UNC5D: variants seen among roughly 807,000 people sequenced by gnomAD.
UNC5D encodes netrin receptor UNC5D.
UNC5D carries 39 observed loss-of-function variants against 105.4 expected under a neutral mutation model. The ratio of observed to expected loss-of-function variants is 0.37; its 90% CI spans 0.29 to 0.48. UNC5D has a LOEUF of 0.48. UNC5D is among the 20% of genes least tolerant of loss of function. The pLI is 0.98. For synonymous variants in UNC5D, 452 were observed against 450.4 expected (o/e 1.00, Z -0.04); for missense variants, 991 against 1,202.4 (o/e 0.82, Z 2.60).
intron 11 of UNC5D, among the ~76,000 whole-genome samples, chr8:35,740,043 A>G (rs950053666): frequency 2.0e-5 from 3 of 152,202 alleles, no homozygotes; most frequent in African/African-American, 7.2e-5. Context: ...GAAACAATGA[A>G]GATAGCCCTA....
chr8:35,716,256 T>G (rs1480154131), intron 8 of UNC5D, among the ~76,000 whole-genome samples: 1 of 152,148 alleles, frequency 6.6e-6, no homozygotes, highest in Non-Finnish European at 1.5e-5. Context: ...AAATAAGATA[T>G]TAATATATAA....
intron 11 of UNC5D, among the ~76,000 whole-genome samples, chr8:35,736,176 A>G (rs1044825322): frequency 6.6e-6 from 1 of 152,082 alleles, no homozygotes; most frequent in East Asian, 1.9e-4. Context: ...CTGGGCAACA[A>G]TTGAGACCTT....
intron 14 of UNC5D, among the ~76,000 whole-genome samples, chr8:35,764,966 T>G (rs1801699395): frequency 6.6e-6 from 1 of 152,204 alleles, no homozygotes; most frequent in Admixed American, 6.5e-5. Context: ...ATTTATGTGA[T>G]TACAAAACCT....
At chr8:35,414,656 G>A (rs1473303241) in intron 1 of UNC5D, among the ~76,000 whole-genome samples, 3 of 152,140 alleles carry the variant, frequency 2.0e-5, no homozygotes, top group East Asian at 3.9e-4. Context: ...TAAGCTTCTT[G>A]AAAAATAATT....
intron 1 of UNC5D, among the ~76,000 whole-genome samples, chr8:35,419,524 C>T (rs1805749583): frequency 6.6e-6 from 1 of 152,162 alleles, no homozygotes; most frequent in African/African-American, 2.4e-5. Flanking sequence ...TCATGGAGCC[C>T]CAAAGGGTGT....
At chr8:35,761,702 G>A (rs932773139) in intron 14 of UNC5D, among the ~76,000 whole-genome samples, 1 of 152,040 alleles carries the variant, frequency 6.6e-6, no homozygotes, top group Non-Finnish European at 1.5e-5. Context: ...ATGGCTTTCC[G>A]CTCTATTCCT....
chr8:35,558,778 T>C (rs953535261), intron 2 of UNC5D, among the ~76,000 whole-genome samples: 1 of 151,728 alleles, frequency 6.6e-6, no homozygotes, highest in Non-Finnish European at 1.5e-5. Flanking sequence ...AGGCCTGGAG[T>C]TTCAGACCAG....
At chr8:35,597,406 C>T (rs1819556262) in intron 4 of UNC5D, among the ~76,000 whole-genome samples, 1 of 152,218 alleles carries the variant, frequency 6.6e-6, no homozygotes, top group African/African-American at 2.4e-5. Flanking sequence ...AGGCAAGGGA[C>T]TGTATCCCTC....
intron 14 of UNC5D, among the ~76,000 whole-genome samples, chr8:35,761,015 C>T (rs901140055): frequency 2.6e-5 from 4 of 152,240 alleles, no homozygotes; most frequent in Middle Eastern, 6.8e-3. Flanking sequence ...AGCACACAAC[C>T]ATCTCTCATT....
chr8:35,319,273 C>G (rs1015612769), intron 1 of UNC5D, among the ~76,000 whole-genome samples: 3 of 152,074 alleles, frequency 2.0e-5, no homozygotes, highest in African/African-American at 7.2e-5. Flanking sequence ...TTCTGCCCCC[C>G]ACAGGCTCCA....
chr8:35,787,806 A>T (rs1358698270), intron 16 of UNC5D, among the ~76,000 whole-genome samples: 1 of 151,894 alleles, frequency 6.6e-6, no homozygotes, highest in Non-Finnish European at 1.5e-5. Flanking sequence ...TTTTGTGGAG[A>T]CAGAAGTCTT....
chr8:35,541,908 T>A (rs1281229759), intron 1 of UNC5D, among the ~76,000 whole-genome samples: 1 of 152,186 alleles, frequency 6.6e-6, no homozygotes, highest in Non-Finnish European at 1.5e-5. Context: ...GAACGTGCTT[T>A]TGTAGAGTCT....
At chr8:35,342,387 A>G (rs1811515699) in intron 1 of UNC5D, among the ~76,000 whole-genome samples, 1 of 152,250 alleles carries the variant, frequency 6.6e-6, no homozygotes, top group African/African-American at 2.4e-5. Context: ...CTGATTTAAA[A>G]GATGTTGGGC....
chr8:35,339,368 C>T (rs1055872298), intron 1 of UNC5D, among the ~76,000 whole-genome samples: 1 of 152,150 alleles, frequency 6.6e-6, no homozygotes, highest in Non-Finnish European at 1.5e-5. Flanking sequence ...ACTTTGAGGT[C>T]GTGAACATGG....
chr8:35,373,185 T>C (rs755084257), intron 1 of UNC5D, among the ~76,000 whole-genome samples: 21 of 152,246 alleles, frequency 1.4e-4, no homozygotes, highest in Non-Finnish European at 2.2e-4. Flanking sequence ...CTATCTTGAT[T>C]CTTTCTGAAG....
chr8:35,304,154 A>T (rs1808167797), intron 1 of UNC5D, among the ~76,000 whole-genome samples: 1 of 152,002 alleles, frequency 6.6e-6, no homozygotes, highest in African/African-American at 2.4e-5. Flanking sequence ...AATCATTTTC[A>T]TATTTCACAT....
Position 35,335,740 on chromosome 8 carries a change from GAAATGAGAGATTGCAATTT to G in UNC5D, c.103+99854_103+99872del, listed in dbSNP as rs1326228320. 3.4e-3 allele frequency among the ~76,000 whole-genome samples: 489 copies of G among 144,092 alleles called. 3 individuals carry two copies. The highest frequency in any genetic ancestry group is 0.011 in the African/African-American group (438 of 39,168). The allele number at this position is 144,092 out of a possible 152,430, so 94.5% of individuals were successfully genotyped here. ...CAGACAACCTTTGAAAGGATAGAAT[GAAATGAGAGATTGCAATTT>G]TTTTTTTTTTTTTTTTTTTTTTGAG... On this transcript the variant is annotated intron_variant, in intron 1 of 16. Transcript: ENST00000404895.
chr8:35,728,337 G>A (rs148252906), intron 10 of UNC5D, among the ~76,000 whole-genome samples: 50 of 151,978 alleles, frequency 3.3e-4, no homozygotes, highest in African/African-American at 1.1e-3. Flanking sequence ...TGACCAACCC[G>A]TTCATTGGCT....
chr8:35,398,590 C>G (rs576781925), intron 1 of UNC5D, among the ~76,000 whole-genome samples: 2 of 151,780 alleles, frequency 1.3e-5, no homozygotes. Context: ...CATCTCCCCC[C>G]ACATTGAAGT....
Sources: gnomAD v4.1 joint callset for allele counts (sites outside exome capture counted in the v4.1 genomes callset) on GRCh38, gnomAD v4.1.1 for gene constraint, MANE v1.5 for transcripts, NCBI Gene and HGNC (gene_info 2026-07-23, HGNC 2026-07-21) for gene names.